The following TLN2 variants were observed in gnomAD, a reference collection of about 807,000 sequenced individuals.
TLN2 encodes talin-2.
TLN2 carries 118 observed loss-of-function variants against 294.7 expected under a neutral mutation model. The observed-to-expected ratio is 0.40, with a 90% confidence interval of 0.34 to 0.47. The LOEUF is 0.47. TLN2 is among the 20% of genes least tolerant of loss of function. The probability of loss-of-function intolerance (pLI) is 0.84; values close to 1 mark genes in which losing one functional copy is unlikely to be tolerated. For missense variants in TLN2, 3,083 were observed against 3,282.2 expected (o/e 0.94, Z 1.48); for synonymous variants, 1,431 against 1,304.5 (o/e 1.10, Z -2.09).
chr15:62,408,985 A>AT (rs1435852721), intron 1 of TLN2, among the ~76,000 whole-genome samples: 1 of 148,534 alleles, frequency 6.7e-6, no homozygotes, highest in Non-Finnish European at 1.5e-5. Context: ...TTATTTATTT[A>AT]TTTTTTGGGG....
intron 11 of TLN2, among the ~76,000 whole-genome samples, chr15:62,680,988 A>G (rs2056779757): frequency 6.6e-6 from 1 of 152,144 alleles, no homozygotes. Flanking sequence ...GTTGATGGTC[A>G]CTTAGGTTGG....
chr15:62,456,081 A>T (rs1418073190), intron 1 of TLN2, among the ~76,000 whole-genome samples: 1 of 151,624 alleles, frequency 6.6e-6, no homozygotes, highest in Non-Finnish European at 1.5e-5. Context: ...AAAAAAAAAA[A>T]GAACCTTACT....
intron 1 of TLN2, among the ~76,000 whole-genome samples, chr15:62,437,425 T>C (rs2035338210): frequency 6.6e-6 from 1 of 152,030 alleles, no homozygotes. Flanking sequence ...TTTTTTTTTT[T>C]GTAGTCACAG....
intron 25 of TLN2, among the ~76,000 whole-genome samples, chr15:62,721,851 T>C (rs1172316836): frequency 3.9e-5 from 6 of 152,208 alleles, no homozygotes; most frequent in Admixed American, 3.3e-4. Flanking sequence ...GATTGTGAGA[T>C]AGAGTGAACA....
chr15:62,691,248 C>T (rs1380110870), intron 12 of TLN2, among the ~76,000 whole-genome samples: 1 of 152,156 alleles, frequency 6.6e-6, no homozygotes, highest in Non-Finnish European at 1.5e-5. Context: ...TCTTTTGTTA[C>T]TGTCCTATAA....
rs1040372878 is a variant in TLN2 at position 62,838,919 on chromosome 15, T to G, written c.7438T>G (p.Phe2480Val). 1 of 1,614,196 alleles carries G rather than the reference T, an allele frequency of 6.2e-7. No homozygotes were observed. The highest frequency in any genetic ancestry group is 1.7e-5 in the Admixed American group (1 of 60,028). ...TGTCCGTGCAGCCCAGAAGGCAGCT[T>G]TTGGCAAAGCTGATGACGACGATGT... ...NLVRAAQKAA[F>V]GKADDDDVVV... is the part of the protein sequence containing the mutation. The change falls in exon 58 of 59, where the codon TTT (phenylalanine) becomes GTT (valine). Residue 2480 changes from phenylalanine (F) to valine (V), a missense_variant. Coordinates refer to ENST00000636159, the MANE Select transcript of TLN2 (RefSeq NM_015059.3).
intron 1 of TLN2, among the ~76,000 whole-genome samples, chr15:62,569,763 A>G (rs1339852485): frequency 6.6e-6 from 1 of 152,212 alleles, no homozygotes; most frequent in Admixed American, 6.5e-5. Context: ...GCACGGCTGA[A>G]TTTCAGTTAC....
chr15:62,436,809 G>A (rs1005736847), intron 1 of TLN2, among the ~76,000 whole-genome samples: 6 of 152,152 alleles, frequency 3.9e-5, no homozygotes, highest in Non-Finnish European at 5.9e-5. Flanking sequence ...CTGCAGCCTC[G>A]AATTTCTGGA....
chr15:62,628,546 A>G (rs2049488112), intron 3 of TLN2, among the ~76,000 whole-genome samples: 1 of 152,276 alleles, frequency 6.6e-6, no homozygotes, highest in Non-Finnish European at 1.5e-5. Flanking sequence ...TAAAATAAAG[A>G]CATTTTTCAT....
intron 1 of TLN2, among the ~76,000 whole-genome samples, chr15:62,392,753 G>A (rs994337536): frequency 5.9e-5 from 9 of 152,140 alleles, no homozygotes; most frequent in Admixed American, 3.3e-4. Context: ...CTCTGGGGTT[G>A]GGGGTTAGGT....
Position 62,693,973 on chromosome 15 carries a change from T to C in TLN2, c.1216-343T>C, listed in dbSNP as rs111565908. On this transcript the variant is annotated intron_variant, in intron 13 of 58. Transcript: ENST00000636159. ...TTTCTTTCTTTTTTTTTTTTTTTTT[T>C]TTTTTTTTTTTTTGAGACAGAGTCT... Among the ~76,000 whole-genome samples the C allele has an allele frequency of 1.3e-3, 167 of 130,286 alleles. 2 individuals carry two copies. The highest frequency in any genetic ancestry group is 5.2e-3 in the African/African-American group (151 of 29,204). The allele number at this position is 130,286 out of a possible 152,430, so 85.5% of individuals were successfully genotyped here.
intron 28 of TLN2, 75 bp downstream of exon 28, chr15:62,727,264 A>G (rs2060489196): frequency 7.4e-7 from 1 of 1,351,710 alleles, no homozygotes; most frequent in Non-Finnish European, 1.0e-6. Flanking sequence ...GGAGGAGTTC[A>G]TTCCTTTGAC....
chr15:62,597,874 C>T (rs185996408), intron 2 of TLN2, among the ~76,000 whole-genome samples: 1 of 152,120 alleles, frequency 6.6e-6, no homozygotes, highest in Non-Finnish European at 1.5e-5. Flanking sequence ...CAAAGTTTTA[C>T]TGTATGTTGA....
chr15:62,683,435 CCGCCTCT>C (rs1302886621), intron 11 of TLN2, among the ~76,000 whole-genome samples: 31 of 149,110 alleles, frequency 2.1e-4, no homozygotes, highest in Non-Finnish European at 3.4e-4. Context: ...CTGCATTCTC[CCGCCTCT>C]CATTGGTAGA....
intron 45 of TLN2, among the ~76,000 whole-genome samples, chr15:62,791,102 GCGGATCACTTGAGGTGGA>G (rs1479271767): frequency 1.1e-4 from 16 of 152,278 alleles, no homozygotes; most frequent in South Asian, 4.1e-4. Flanking sequence ...GCCAAGGTGG[GCGGATCACTTGAGGTGGA>G]CGGATCACCT....
At chr15:62,463,332 T>C (rs981099256) in intron 1 of TLN2, among the ~76,000 whole-genome samples, 3 of 152,180 alleles carry the variant, frequency 2.0e-5, no homozygotes, top group Non-Finnish European at 4.4e-5. Flanking sequence ...TGGATATGAG[T>C]GGTGAGAACC....
intron 2 of TLN2, among the ~76,000 whole-genome samples, chr15:62,600,987 G>A (rs2046952447): frequency 6.6e-6 from 1 of 152,068 alleles, no homozygotes; most frequent in African/African-American, 2.4e-5. Flanking sequence ...CTTAAATCAG[G>A]ATCCAAATGA....
chr15:62,596,071 C>A (rs12440971), intron 2 of TLN2, among the ~76,000 whole-genome samples: 1 of 151,552 alleles, frequency 6.6e-6, no homozygotes, highest in Non-Finnish European at 1.5e-5. Context: ...GTCAGGAGAT[C>A]GAGACCATGG....
chr15:62,783,882 C>T lies in TLN2; in HGVS notation c.5728C>T (p.Pro1910Ser), dbSNP rs781149965. The T allele has an allele frequency of 1.9e-6, 3 of 1,613,996 alleles. No individual in the cohort carries two copies. The South Asian group carries it at 3.3e-5, about 18-fold the overall frequency. ...QGQMAAATAE[P>S]EEIGFQIRTR... is the part of the protein sequence containing the mutation. ...CCAGATGGCAGCAGCCACGGCGGAA[C>T]CAGAGGAGGTCTGCCACCTTAAGAC... Residue 1910 changes from proline to serine, a missense_variant, in exon 45 of 59, where the codon CCA becomes TCA. Physicochemically the swap from Pro to Ser is moderately conservative, Grantham distance 74. Coordinates refer to ENST00000636159, the MANE Select transcript of TLN2 (RefSeq NM_015059.3).
Sources: allele counts gnomAD v4.1 joint callset (sites outside exome capture counted in the v4.1 genomes callset), GRCh38; gene constraint gnomAD v4.1.1; transcripts MANE v1.5; gene names NCBI Gene and HGNC (gene_info 2026-07-23, HGNC 2026-07-21).